Variants in RELN observed in about 807,000 individuals in gnomAD.
The protein encoded by RELN is reelin.
Under a neutral mutation model 427.6 loss-of-function variants are expected in RELN, and 108 were observed. That is an observed-to-expected ratio of 0.25 (90% CI 0.22 to 0.30). RELN has a LOEUF of 0.30. RELN is among the 10% of genes least tolerant of loss of function. The pLI, the probability that RELN is intolerant of heterozygous loss-of-function variation, is 1.00. For missense variants in RELN, 3,715 were observed against 4,302.8 expected (o/e 0.86, Z 3.82); for synonymous variants, 1,524 against 1,513.4 (o/e 1.01, Z -0.16).
chr7:103,934,137 A>G (rs1231618123), intron 1 of RELN, among the ~76,000 whole-genome samples: 3 of 152,148 alleles, frequency 2.0e-5, no homozygotes, highest in Non-Finnish European at 4.4e-5. Context: ...CCCATGTTGC[A>G]TGACACTTCC....
intron 2 of RELN, among the ~76,000 whole-genome samples, chr7:103,845,269 C>T (rs1484121110): frequency 6.6e-6 from 1 of 152,074 alleles, no homozygotes; most frequent in Non-Finnish European, 1.5e-5. Flanking sequence ...TGGCTCACTG[C>T]AACCTCTGCT....
intron 29 of RELN, among the ~76,000 whole-genome samples, chr7:103,574,758 A>G (rs1283834819): frequency 2.0e-5 from 3 of 152,232 alleles, no homozygotes; most frequent in Non-Finnish European, 4.4e-5. Context: ...CACGTGCCAG[A>G]TGAAGGCTGG....
intron 28 of RELN, among the ~76,000 whole-genome samples, chr7:103,588,433 T>C (rs190413995): frequency 5.1e-4 from 77 of 152,136 alleles, no homozygotes; most frequent in African/African-American, 1.7e-3. Flanking sequence ...GGTTAAAGCG[T>C]ACAAACATAC....
intron 5 of RELN, among the ~76,000 whole-genome samples, chr7:103,751,359 C>A (rs1790994846): frequency 1.3e-5 from 2 of 152,190 alleles, no homozygotes; most frequent in African/African-American, 4.8e-5. Flanking sequence ...TTCACATTCT[C>A]TTTGGTGACA....
chr7:103,965,407 G>A (rs572574792), intron 1 of RELN, among the ~76,000 whole-genome samples: 2 of 152,194 alleles, frequency 1.3e-5, no homozygotes, highest in African/African-American at 2.4e-5. Context: ...AACATACTTC[G>A]TAGAAAACAC....
chr7:103,575,699 G>A lies in RELN; in HGVS notation c.4152C>T (p.Thr1384=). ...VIPRSLASSK[T]RFRWIQESSS... ...TGCTCTCCTGGATCCATCGGAATCT[G>A]GTCTTGCTGTTGGGAAAAACAACAC... Residue 1384 remains threonine (T), a synonymous_variant, in exon 29 of 65, where the codon ACC becomes ACT. Transcript: ENST00000428762. 1 of 1,614,034 alleles carries A rather than the reference G, an allele frequency of 6.2e-7. No individual in the cohort carries two copies. The highest frequency in any genetic ancestry group is 1.1e-5 in the South Asian group (1 of 91,078).
At chr7:103,852,064 G>A (rs968858304) in intron 2 of RELN, among the ~76,000 whole-genome samples, 6 of 152,140 alleles carry the variant, frequency 3.9e-5, no homozygotes, top group African/African-American at 1.4e-4. Flanking sequence ...TGTTACCACA[G>A]CAAGATGGAA....
intron 6 of RELN, among the ~76,000 whole-genome samples, chr7:103,742,664 C>T (rs1397746452): frequency 1.3e-5 from 2 of 152,102 alleles, no homozygotes; most frequent in South Asian, 2.1e-4. Flanking sequence ...GAAAGGGTAT[C>T]AGTGATGGAA....
rs186111529 is a variant in RELN, at chr7:103,510,737, T to A, written c.8274+114A>T. 9.6e-6 allele frequency: 8 copies of A among 837,524 alleles called. No individual in the cohort carries two copies. In the East Asian group the frequency reaches 2.1e-4, roughly 22 times the overall value. The allele number at this position is 837,524 out of a possible 1,614,324, so 51.9% of individuals were successfully genotyped here. ...TGTATATTAGTTTAATAGTAAATTTTACTTTTCAAAGTATATACTAAGTCA... is the reference window on the plus strand; with the variant it reads ...TGTATATTAGTTTAATAGTAAATTTAACTTTTCAAAGTATATACTAAGTCA... On this transcript the variant is annotated intron_variant, in intron 51 of 64. Transcript: ENST00000428762.
rs773513886 is a variant in RELN at position 103,626,863 on chromosome 7, A to G, written c.2702+3077T>C. On this transcript the variant is annotated intron_variant, in intron 20 of 64. Coordinates refer to ENST00000428762, the MANE Select transcript of RELN (RefSeq NM_005045.4). The surrounding 1 kb of genome is among the most constrained non-coding windows in gnomAD (Gnocchi z 4.4). ...GAGGTTTTAAGGAATATTAGAACCT[A>G]AAGCAGACAGAAGTTCTGAGTTCAG... Among the ~76,000 whole-genome samples the G allele has an allele frequency of 1.3e-5, 2 of 152,134 alleles. No homozygotes were observed. Among genetic ancestry groups the G allele is most frequent in the Non-Finnish European group, 2.9e-5 (2 of 67,982 alleles).
chr7:103,777,973 T>C (rs1791788647), intron 3 of RELN, among the ~76,000 whole-genome samples: 1 of 150,728 alleles, frequency 6.6e-6, no homozygotes, highest in African/African-American at 2.4e-5. Context: ...GAGAGAAAAA[T>C]CACTGGGTGG....
intron 62 of RELN, 50 bp from the exon 63 acceptor site, chr7:103,483,021 T>A: frequency 6.8e-7 from 1 of 1,460,994 alleles, no homozygotes; most frequent in Non-Finnish European, 9.5e-7. Context: ...GAAACAGAAC[T>A]TTTTGGTATT....
intron 2 of RELN, among the ~76,000 whole-genome samples, chr7:103,888,299 G>A (rs1407149710): frequency 6.6e-6 from 1 of 151,690 alleles, no homozygotes; most frequent in African/African-American, 2.4e-5. Flanking sequence ...TTTATGAAGT[G>A]AAGGTATAGA....
chr7:103,835,717 T>C (rs574845421), intron 2 of RELN, among the ~76,000 whole-genome samples: 39 of 152,294 alleles, frequency 2.6e-4, no homozygotes, highest in Non-Finnish European at 5.0e-4. Context: ...GGACAAATGA[T>C]TTACTCTCTT....
At chr7:103,684,165 C>T (rs1437652416) in intron 10 of RELN, among the ~76,000 whole-genome samples, 2 of 152,132 alleles carry the variant, frequency 1.3e-5, no homozygotes, top group Non-Finnish European at 2.9e-5. Flanking sequence ...AGTTGATAAT[C>T]ATAGGCCCTG....
At chr7:103,822,244 A>T (rs1392866115) in intron 3 of RELN, among the ~76,000 whole-genome samples, 3 of 151,962 alleles carry the variant, frequency 2.0e-5, no homozygotes, top group Non-Finnish European at 1.5e-5. Flanking sequence ...AACCTTCTAA[A>T]TTTTTTATTA....
At chr7:103,818,263 T>C (rs904943959) in intron 3 of RELN, among the ~76,000 whole-genome samples, 2 of 152,212 alleles carry the variant, frequency 1.3e-5, no homozygotes, top group Non-Finnish European at 2.9e-5. Flanking sequence ...CAGAATGCGT[T>C]GCTTTTCAAC....
At chr7:103,615,408 C>T (rs1178927025) in intron 20 of RELN, among the ~76,000 whole-genome samples, 1 of 152,152 alleles carries the variant, frequency 6.6e-6, no homozygotes, top group Admixed American at 6.6e-5. Flanking sequence ...TGCTGAGGAT[C>T]TGTTTTTTGA....
At chr7:103,878,501 G>T (rs1584324950) in intron 2 of RELN, among the ~76,000 whole-genome samples, 1 of 152,108 alleles carries the variant, frequency 6.6e-6, no homozygotes. Context: ...AGGGGTCACT[G>T]CCTGCTCTAG....
Sources: allele counts gnomAD v4.1 joint callset (sites outside exome capture counted in the v4.1 genomes callset), GRCh38; gene constraint gnomAD v4.1.1; non-coding constraint Gnocchi (gnomAD v3.1); transcripts MANE v1.5; gene names NCBI Gene and HGNC (gene_info 2026-07-23, HGNC 2026-07-21).